RDX: variants seen among roughly 807,000 people sequenced by gnomAD.
RDX encodes the protein deafness, autosomal recessive 24.
Under a neutral mutation model 83.7 loss-of-function variants are expected in RDX, and 32 were observed. The ratio of observed to expected loss-of-function variants is 0.38; its 90% CI spans 0.29 to 0.51. The LOEUF is 0.51. Among genes scored for constraint, RDX ranks in the 20% least tolerant of loss-of-function variants. RDX has a pLI of 0.87. For missense variants in RDX, 600 were observed against 689.9 expected (o/e 0.87, Z 1.46); for synonymous variants, 229 against 222.7 (o/e 1.03, Z -0.25).
chr11:110,207,773 T>C (rs1263678442), intron 14 of RDX, among the ~76,000 whole-genome samples: 4 of 152,218 alleles, frequency 2.6e-5, no homozygotes, highest in African/African-American at 7.2e-5. Context: ...CAGAGTTGTA[T>C]AGCTGGGACA....
At chr11:110,241,056 C>CAA (rs34548283) in intron 10 of RDX, among the ~76,000 whole-genome samples, 165 of 42,728 alleles carry the variant, frequency 3.9e-3, no homozygotes, top group East Asian at 0.013. Context: ...ACTCTGTCTC[C>CAA]AAAAAAAAAA....
intron 15 of RDX, among the ~76,000 whole-genome samples, chr11:110,177,218 C>A (rs1386864613): frequency 6.6e-6 from 1 of 152,240 alleles, no homozygotes; most frequent in Admixed American, 6.5e-5. Context: ...TCCAACCACT[C>A]CCTGGCTGAG....
intron 15 of RDX, among the ~76,000 whole-genome samples, chr11:110,188,711 CAAAG>C (rs546931395): frequency 2.0e-3 from 302 of 152,260 alleles, no homozygotes; most frequent in African/African-American, 6.9e-3. Flanking sequence ...ATGGCATTCT[CAAAG>C]AAATTCCAAC....
At chr11:110,214,807 C>T (rs868408789) in intron 14 of RDX, among the ~76,000 whole-genome samples, 1,733 of 97,784 alleles carry the variant, frequency 0.018, 66 homozygotes, top group African/African-American at 0.062. Context: ...CACATGGACA[C>T]AGGAAGGGGA....
chr11:110,282,316 G>C (rs1481736330), intron 1 of RDX, among the ~76,000 whole-genome samples: 1 of 151,992 alleles, frequency 6.6e-6, no homozygotes, highest in Non-Finnish European at 1.5e-5. Context: ...AGCCAAAATG[G>C]CTTGTCCTAA....
In RDX at chr11:110,254,041, A is replaced by G; in HGVS notation, c.864T>C (p.His288=). ...GCTTCCTTCTTCGCATGTATAGTTC[A>G]TGGTTTCCCATACATAAGGCCAAAA... The part of the protein sequence containing the change: ...KRILALCMGN[H]ELYMRRRKPD... The change falls in exon 9 of 14, where the codon CAT becomes CAC. Residue 288 remains histidine (H), a synonymous_variant. Coordinates refer to ENST00000645495, the MANE Select transcript of RDX (RefSeq NM_002906.4). 1 of 1,613,700 alleles carries G rather than the reference A, an allele frequency of 6.2e-7. No individual in the cohort carries two copies. The highest frequency in any genetic ancestry group is 1.7e-5 in the Admixed American group (1 of 59,956).
intron 14 of RDX, among the ~76,000 whole-genome samples, chr11:110,223,244 C>T (rs538171760): frequency 7.9e-5 from 12 of 151,936 alleles, no homozygotes; most frequent in African/African-American, 2.9e-4. Context: ...CCCAGCTGCT[C>T]AGGGAGGCTG....
intron 14 of RDX, among the ~76,000 whole-genome samples, chr11:110,215,508 C>G (rs939741894): frequency 1.3e-5 from 2 of 152,058 alleles, no homozygotes; most frequent in African/African-American, 2.4e-5. Context: ...AACAGGAGCA[C>G]TAAACTGGAC....
chr11:110,189,268 A>AAAAAAAAAAAAAG (rs1863057746), intron 15 of RDX, among the ~76,000 whole-genome samples: 1 of 130,632 alleles, frequency 7.7e-6, no homozygotes, highest in African/African-American at 3.1e-5. Flanking sequence ...AAAAAAAAAA[A>AAAAAAAAAAAAAG]GACAAGGGCA....
In RDX at chr11:110,233,429, A is replaced by C; in HGVS notation, c.1395T>G (p.Thr465=). The C allele has an allele frequency of 6.2e-7, 1 of 1,614,090 alleles. No homozygotes were observed. Among genetic ancestry groups the C allele is most frequent in the Non-Finnish European group, 8.5e-7 (1 of 1,180,008 alleles). ...DLEKTKEELK[T]VMSAPPPPPP... Reference sequence around the variant, plus strand: ...GAGGTGGAGGGGGGGCAGACATCACAGTTTTTAACTCTTCTTTGGTCTTTT... The same window carrying C: ...GAGGTGGAGGGGGGGCAGACATCACCGTTTTTAACTCTTCTTTGGTCTTTT... The change falls in exon 13 of 14, where the codon ACT becomes ACG. Residue 465 remains threonine (T), a synonymous_variant. Transcript: ENST00000645495.
intron 7 of RDX, among the ~76,000 whole-genome samples, chr11:110,257,321 T>C (rs923584115): frequency 1.3e-5 from 2 of 152,032 alleles, no homozygotes; most frequent in Admixed American, 6.6e-5. Flanking sequence ...AATTCCTATA[T>C]ATAAATGTTC....
Position 110,231,840 on chromosome 11 carries a change from T to A in RDX, c.*29A>T, listed in dbSNP as rs754563078. ...TTTTCTCTGTTGGTGGTTCAGCTTA[T>A]GAAGAACATATATGCAAAATAACAG... On this transcript the variant is annotated 3_prime_UTR_variant, in exon 14 of 14. Coordinates refer to ENST00000645495, the MANE Select transcript of RDX (RefSeq NM_002906.4). 2.2e-5 allele frequency: 36 copies of A among 1,611,002 alleles called. No homozygotes were observed. Among genetic ancestry groups the A allele is most frequent in the Middle Eastern group, 2.2e-4 (1 of 4,486 alleles).
downstream of RDX, among the ~76,000 whole-genome samples, chr11:110,225,165 C>G (rs1864390201): frequency 6.6e-6 from 1 of 152,092 alleles, no homozygotes; most frequent in African/African-American, 2.4e-5. Context: ...TTTGTAACAC[C>G]TTCTTCATTA....
chr11:110,184,583 G>A (rs1055783194), intron 15 of RDX, among the ~76,000 whole-genome samples: 3 of 152,150 alleles, frequency 2.0e-5, no homozygotes, highest in African/African-American at 7.2e-5. Flanking sequence ...GGGGGTGGGA[G>A]GCCTGAAGGA....
At chr11:110,205,973 T>C (rs749422019) in intron 14 of RDX, among the ~76,000 whole-genome samples, 18 of 152,110 alleles carry the variant, frequency 1.2e-4, no homozygotes, top group Non-Finnish European at 1.5e-4. Context: ...AACAATCCTA[T>C]AGCCAGACGC....
intron 12 of RDX, among the ~76,000 whole-genome samples, chr11:110,235,616 A>G (rs1864815111): frequency 6.6e-6 from 1 of 152,204 alleles, no homozygotes; most frequent in Non-Finnish European, 1.5e-5. Flanking sequence ...GCTGTAGCAG[A>G]GCATTTATTT....
At chr11:110,227,556 A>C (rs1864474141), downstream of RDX, among the ~76,000 whole-genome samples, 1 of 152,194 alleles carries the variant, frequency 6.6e-6, no homozygotes, top group Non-Finnish European at 1.5e-5. Flanking sequence ...GCATACAAAT[A>C]ACAGGAATCA....
chr11:110,177,090 CG>C, intron 15 of RDX, among the ~76,000 whole-genome samples: 1 of 152,316 alleles, frequency 6.6e-6, no homozygotes, highest in African/African-American at 2.4e-5. Flanking sequence ...CCAGAGACAT[CG>C]GTTCTGTCAA....
intron 1 of RDX, among the ~76,000 whole-genome samples, chr11:110,292,276 G>C (rs1368690954): frequency 6.6e-6 from 1 of 150,766 alleles, no homozygotes; most frequent in Non-Finnish European, 1.5e-5. Flanking sequence ...CTGGGCAACA[G>C]AGCGAGACCC....
Sources: gnomAD v4.1 joint callset for allele counts (sites outside exome capture counted in the v4.1 genomes callset) on GRCh38, gnomAD v4.1.1 for gene constraint, MANE v1.5 for transcripts, NCBI Gene and HGNC (gene_info 2026-07-23, HGNC 2026-07-21) for gene names.